The following MTM1 variants were observed in gnomAD, a reference collection of about 807,000 sequenced individuals.
The protein encoded by MTM1 is myotubularin.
Under a neutral mutation model 52.1 loss-of-function variants are expected in MTM1, and 9 were observed. The ratio of observed to expected loss-of-function variants is 0.17; its 90% CI spans 0.10 to 0.30. The LOEUF (loss-of-function observed/expected upper bound fraction) is 0.30. MTM1 is among the 10% of genes least tolerant of loss of function. MTM1 has a pLI of 1.00. For missense variants in MTM1, 277 were observed against 470.7 expected (o/e 0.59, Z 3.81); for synonymous variants, 136 against 163.8 (o/e 0.83, Z 1.29).
intron 1 of MTM1, among the ~76,000 whole-genome samples, chrX:150,584,452 C>T (rs782619520): frequency 1.8e-5 from 2 of 110,911 alleles, no homozygotes; most frequent in Non-Finnish European, 3.8e-5. Context: ...TAAAAATCAG[C>T]CCTAGGGAGG....
intron 1 of MTM1, among the ~76,000 whole-genome samples, chrX:150,590,447 G>A (rs781880974): frequency 9.0e-6 from 1 of 111,690 alleles, no homozygotes; most frequent in African/African-American, 3.2e-5. Flanking sequence ...GATTGGGAGT[G>A]GTGGGTGACT....
chrX:150,641,318 A>G lies in MTM1; in HGVS notation c.578A>G (p.Glu193Gly). 8.3e-7 allele frequency: 1 copy of G among 1,211,141 alleles called. No individual in the cohort carries two copies. Among genetic ancestry groups the G allele is most frequent in the Non-Finnish European group, 1.1e-6 (1 of 895,080 alleles). Residue 193 changes from glutamate to glycine, a missense_variant, in exon 8 of 15, where the codon GAG (glutamate) becomes GGG (glycine). Physicochemically the swap from Glu to Gly is moderately conservative, Grantham distance 98. Transcript: ENST00000370396. ...WRITFINKCYELCDTYPALLV... is the reference protein window; with the variant it reads ...WRITFINKCYGLCDTYPALLV... ...ATAACTTTTATTAATAAGTGCTATG[A>G]GCTCTGTGACACTTACCCTGCTCTT...
intron 2 of MTM1, among the ~76,000 whole-genome samples, chrX:150,596,008 A>G (rs1713311252): frequency 1.5e-5 from 1 of 68,238 alleles, no homozygotes; most frequent in Non-Finnish European, 2.8e-5. Flanking sequence ...GTCTTAGTGA[A>G]ATAGGAAACG....
chrX:150,581,935 A>G (rs1406261664), intron 1 of MTM1, among the ~76,000 whole-genome samples: 2 of 112,355 alleles, frequency 1.8e-5, no homozygotes, highest in African/African-American at 6.5e-5. Flanking sequence ...TGATCTGTAA[A>G]TGAAAGCCGT....
At chrX:150,658,570 C>A (rs2040165857) in intron 11 of MTM1, among the ~76,000 whole-genome samples, 1 of 110,167 alleles carries the variant, frequency 9.1e-6, no homozygotes, top group Admixed American at 9.6e-5. Flanking sequence ...ATTTCTCTCT[C>A]AATTAAAAAT....
chrX:150,604,500 G>C (rs1260417717), intron 4 of MTM1, among the ~76,000 whole-genome samples: 2 of 111,044 alleles, frequency 1.8e-5, no homozygotes, highest in Non-Finnish European at 3.8e-5. Context: ...AGCTGAAATT[G>C]TTCAACTCAA....
chrX:150,609,179 C>A (rs2039229769), intron 4 of MTM1, among the ~76,000 whole-genome samples: 1 of 111,207 alleles, frequency 9.0e-6, no homozygotes, highest in African/African-American at 3.3e-5. Context: ...GCTTTTCACA[C>A]CACTTTCAAA....
intron 6 of MTM1, among the ~76,000 whole-genome samples, chrX:150,631,999 G>A (rs1210743459): frequency 1.8e-5 from 2 of 111,950 alleles, no homozygotes; most frequent in African/African-American, 6.5e-5. Flanking sequence ...TGCACTGTAT[G>A]GTAGAACGAG....
chrX:150,568,960 G>T (rs2038312019), intron 1 of MTM1, among the ~76,000 whole-genome samples: 1 of 113,598 alleles, frequency 8.8e-6, no homozygotes, highest in Admixed American at 9.1e-5. Flanking sequence ...TGGCCGTGGA[G>T]CTGGGGGCGG....
At chrX:150,657,738 A>G in intron 10 of MTM1, 83 bp from the exon 11 acceptor site, 1 of 917,781 alleles carries the variant, frequency 1.1e-6, no homozygotes, top group Non-Finnish European at 1.6e-6. Flanking sequence ...ATTTTAAAGC[A>G]TGGCTTTTTC....
intron 1 of MTM1, among the ~76,000 whole-genome samples, chrX:150,575,957 C>T (rs147314139): frequency 4.0e-4 from 44 of 111,151 alleles, no homozygotes; most frequent in African/African-American, 1.3e-3. Context: ...GGATTACAGG[C>T]GTGAGGGAGA....
chrX:150,655,531 T>G (rs189672871), intron 10 of MTM1, among the ~76,000 whole-genome samples: 1 of 111,655 alleles, frequency 9.0e-6, no homozygotes, highest in East Asian at 2.8e-4. Context: ...ACGTGGTCTA[T>G]CTATATACAA....
intron 8 of MTM1, among the ~76,000 whole-genome samples, chrX:150,643,271 A>T (rs950081790): frequency 8.9e-6 from 1 of 112,296 alleles, no homozygotes; most frequent in Non-Finnish European, 1.9e-5. Context: ...TAAATAAGAT[A>T]TAAACTATAA....
chrX:150,583,308 T>C, intron 1 of MTM1, among the ~76,000 whole-genome samples: 1 of 56,796 alleles, frequency 1.8e-5, no homozygotes, highest in Non-Finnish European at 2.8e-5. Flanking sequence ...ATATATTATA[T>C]ATAATTATAA....
At chrX:150,630,901 C>T (rs1238090337) in intron 6 of MTM1, among the ~76,000 whole-genome samples, 1 of 111,679 alleles carries the variant, frequency 9.0e-6, no homozygotes, top group Non-Finnish European at 1.9e-5. Context: ...GGTTGAAATT[C>T]GGGGGAAACC....
chrX:150,661,901 A>G (rs1401960678), intron 13 of MTM1, among the ~76,000 whole-genome samples: 1 of 112,209 alleles, frequency 8.9e-6, no homozygotes, highest in East Asian at 2.8e-4. Flanking sequence ...GAAATTTGCT[A>G]AAATAATAGA....
intron 4 of MTM1, among the ~76,000 whole-genome samples, chrX:150,603,757 T>C: frequency 8.9e-6 from 1 of 112,241 alleles, no homozygotes; most frequent in Non-Finnish European, 1.9e-5. Flanking sequence ...CTGAAGCTTC[T>C]GAAGTCATTA....
At chrX:150,566,997 G>C (rs782724025), upstream of MTM1, among the ~76,000 whole-genome samples, 1 of 111,606 alleles carries the variant, frequency 9.0e-6, no homozygotes, top group East Asian at 2.8e-4. Flanking sequence ...CAGAGCAGAC[G>C]TGTAAGCAAA....
Position 150,641,529 on chromosome X carries a change from T to G in MTM1, c.678+111T>G, listed in dbSNP as rs7886683. On this transcript the variant is annotated intron_variant, in intron 8 of 14. Transcript: ENST00000370396. Reference sequence around the variant, plus strand: ...TTGGAATTCTATCCCAAAAAATACTTACTAAGTGCTTTGTGAGTACAAAGT... The same window carrying G: ...TTGGAATTCTATCCCAAAAAATACTGACTAAGTGCTTTGTGAGTACAAAGT... 469 of 923,311 alleles carry G rather than the reference T, an allele frequency of 5.1e-4. 1 individual carries two copies. The African/African-American group carries it at 7.1e-3, about 14-fold the overall frequency. 76.1% of individuals were successfully genotyped at this position (923,311 alleles called of 1,213,427 possible).
Sources: gnomAD v4.1 joint callset for allele counts (sites outside exome capture counted in the v4.1 genomes callset) on GRCh38, gnomAD v4.1.1 for gene constraint, MANE v1.5 for transcripts, NCBI Gene and HGNC (gene_info 2026-07-23, HGNC 2026-07-21) for gene names.